TTLL11: variants seen among roughly 807,000 people sequenced by gnomAD.
The protein encoded by TTLL11 is tubulin tyrosine ligase like 11.
TTLL11 carries 42 observed loss-of-function variants against 51.7 expected under a neutral mutation model. The observed-to-expected ratio is 0.81, with a 90% CI of 0.64 to 1.05. The LOEUF is 1.05. Among genes scored for constraint, TTLL11 ranks in the 50% least tolerant of loss-of-function variants. The pLI is 0.00. For missense variants in TTLL11, 799 were observed against 940.4 expected (o/e 0.85, Z 1.97); for synonymous variants, 381 against 383.5 (o/e 0.99, Z 0.08).
chr9:122,033,146 C>G (rs920902794), intron 2 of TTLL11, among the ~76,000 whole-genome samples: 1 of 151,886 alleles, frequency 6.6e-6, no homozygotes, highest in African/African-American at 2.4e-5. Context: ...GAGTTTCGCT[C>G]TTGTTGCCTA....
chr9:122,065,916 ACACT>A (rs1259606145), intron 1 of TTLL11, among the ~76,000 whole-genome samples: 5 of 152,332 alleles, frequency 3.3e-5, no homozygotes, highest in South Asian at 2.1e-4. Context: ...TTAAAAAGAG[ACACT>A]CACAGGCACA....
intron 1 of TTLL11, among the ~76,000 whole-genome samples, chr9:122,044,994 T>C (rs1037280386): frequency 1.3e-5 from 2 of 152,016 alleles, no homozygotes; most frequent in Admixed American, 1.3e-4. Flanking sequence ...TAGTCCCAAC[T>C]ACTCGGGAAG....
chr9:121,893,348 A>ATGTG (rs1211051198), intron 6 of TTLL11, among the ~76,000 whole-genome samples: 6 of 130,716 alleles, frequency 4.6e-5, no homozygotes, highest in Non-Finnish European at 3.5e-5. Flanking sequence ...CCATGCATGC[A>ATGTG]TATGTGTGTG....
chr9:122,028,057 G>A lies in TTLL11; in HGVS notation c.693+3666C>T, dbSNP rs866962165. On this transcript the variant is annotated intron_variant, in intron 3 of 8. Coordinates refer to ENST00000321582, the MANE Select transcript of TTLL11 (RefSeq NM_001139442.2). ...TTACTTGAAGTATGTAATACTTAAAGGCCAATGTGGTAAGTTAAAGATGCA... is the reference window on the plus strand; with the variant it reads ...TTACTTGAAGTATGTAATACTTAAAAGCCAATGTGGTAAGTTAAAGATGCA... Among the ~76,000 whole-genome samples, 5 of 152,284 alleles carry A rather than the reference G, an allele frequency of 3.3e-5. No homozygotes were observed. The Middle Eastern group carries it at 0.01, about 311-fold the overall frequency.
At chr9:121,894,910 A>G (rs1325621850) in intron 6 of TTLL11, among the ~76,000 whole-genome samples, 11 of 152,142 alleles carry the variant, frequency 7.2e-5, no homozygotes, top group African/African-American at 2.7e-4. Context: ...TTTTTAAAAA[A>G]GGGTTAAAAA....
At chr9:121,960,512 C>A (rs1287496096) in intron 6 of TTLL11, among the ~76,000 whole-genome samples, 1 of 152,136 alleles carries the variant, frequency 6.6e-6, no homozygotes, top group Non-Finnish European at 1.5e-5. Context: ...TCCTTCCTGA[C>A]CCACATCTCC....
chr9:121,959,050 A>T (rs1842124217), intron 6 of TTLL11, among the ~76,000 whole-genome samples: 1 of 152,234 alleles, frequency 6.6e-6, no homozygotes, highest in South Asian at 2.1e-4. Context: ...AAAGTGAATT[A>T]AGACAACAGA....
At chr9:121,902,038 C>A (rs1423493682) in intron 6 of TTLL11, among the ~76,000 whole-genome samples, 1 of 151,990 alleles carries the variant, frequency 6.6e-6, no homozygotes, top group Non-Finnish European at 1.5e-5. Context: ...CACAGAAGAT[C>A]TATTGTGTGA....
At chr9:122,062,969 C>G (rs1845477071) in intron 1 of TTLL11, among the ~76,000 whole-genome samples, 2 of 151,974 alleles carry the variant, frequency 1.3e-5, no homozygotes, top group South Asian at 4.2e-4. Context: ...TTTGTAGAGA[C>G]AGGATCCTGC....
intron 6 of TTLL11, among the ~76,000 whole-genome samples, chr9:121,942,405 A>C (rs1158959119): frequency 6.6e-6 from 1 of 152,050 alleles, no homozygotes; most frequent in African/African-American, 2.4e-5. Flanking sequence ...CTGTTGACTT[A>C]TTTGCTCACT....
intron 6 of TTLL11, among the ~76,000 whole-genome samples, chr9:121,939,609 CA>C (rs2131577009): frequency 6.6e-6 from 1 of 151,974 alleles, no homozygotes; most frequent in East Asian, 1.9e-4. Context: ...GTAGATATGG[CA>C]AAACTGTTCA....
rs1322636134 is a variant in TTLL11 at position 121,817,550 on chromosome 9, G to C, written c.*5037C>G. The C allele has an allele frequency of 2.6e-5, 4 of 152,266 alleles. No individual in the cohort carries two copies. Among genetic ancestry groups the C allele is most frequent in the African/African-American group, 9.6e-5 (4 of 41,456 alleles). The allele number at this position is 152,266 out of a possible 1,614,324, so 9.4% of individuals were successfully genotyped here. ...CTTGCCACTCTCACTAAGTGGCTGG[G>C]AGACCTGGAGCCCTTCCTGGGGTGC... On this transcript the variant is annotated 3_prime_UTR_variant, in exon 9 of 9. Coordinates refer to ENST00000321582, the MANE Select transcript of TTLL11 (RefSeq NM_001139442.2).
At chr9:121,926,994 C>A (rs191407701) in intron 6 of TTLL11, among the ~76,000 whole-genome samples, 7 of 152,260 alleles carry the variant, frequency 4.6e-5, no homozygotes, top group Non-Finnish European at 8.8e-5. Context: ...AGCTCTCGGG[C>A]CCCTTTTATA....
At chr9:121,936,222 C>T (rs1274978537) in intron 6 of TTLL11, among the ~76,000 whole-genome samples, 2 of 151,650 alleles carry the variant, frequency 1.3e-5, no homozygotes, top group Middle Eastern at 3.5e-3. Context: ...TAAAGGCTGA[C>T]AAGAGTCCAT....
chr9:122,040,476 T>C, intron 1 of TTLL11: 1 of 952,976 alleles, frequency 1.0e-6, no homozygotes, highest in South Asian at 4.9e-5. Flanking sequence ...GTAACTCAGA[T>C]GACCTTGTTA....
In TTLL11 at chr9:121,821,885, C is replaced by G. The variant is rs1017265515; in HGVS notation, c.*702G>C. 2 of 152,194 alleles carry G rather than the reference C, an allele frequency of 1.3e-5. No individual in the cohort carries two copies. The highest frequency in any genetic ancestry group is 4.8e-5 in the African/African-American group (2 of 41,446). The allele number at this position is 152,194 out of a possible 1,614,324, so 9.4% of individuals were successfully genotyped here. On this transcript the variant is annotated 3_prime_UTR_variant, in exon 9 of 9. Transcript: ENST00000321582. The surrounding 1 kb of genome is among the most constrained non-coding windows in gnomAD (Gnocchi z 5.0). ...GTCAGGGAGGCTAAAGATGGGATTC[C>G]TGCTTTGGGGTCACAGTCAAACAAA...
intron 6 of TTLL11, among the ~76,000 whole-genome samples, chr9:121,946,959 C>T (rs755281492): frequency 4.6e-5 from 7 of 152,054 alleles, no homozygotes; most frequent in Non-Finnish European, 8.8e-5. Context: ...TGACCTCTGC[C>T]GCCTTCTCTG....
chr9:121,954,678 GCACA>G (rs71371904), intron 6 of TTLL11, among the ~76,000 whole-genome samples: 18 of 149,302 alleles, frequency 1.2e-4, no homozygotes, highest in South Asian at 4.2e-4. Context: ...ACACACAGAC[GCACA>G]CACACACACA....
chr9:122,017,929 G>A (rs746767852), intron 3 of TTLL11, among the ~76,000 whole-genome samples: 8 of 152,264 alleles, frequency 5.3e-5, no homozygotes, highest in Middle Eastern at 3.4e-3. Flanking sequence ...ACAGCTCTGT[G>A]TGTTATAGCT....
Sources: gnomAD v4.1 joint callset for allele counts (sites outside exome capture counted in the v4.1 genomes callset) on GRCh38, gnomAD v4.1.1 for gene constraint, Gnocchi (gnomAD v3.1) non-coding constraint, MANE v1.5 for transcripts, NCBI Gene and HGNC (gene_info 2026-07-23, HGNC 2026-07-21) for gene names.